Variants in EYS observed in about 807,000 individuals in gnomAD.
EYS encodes the protein protein eyes shut homolog.
A neutral mutation model predicts 282.1 loss-of-function variants in EYS; 250 were observed. The observed-to-expected ratio is 0.89, with a 90% CI of 0.80 to 0.98. The LOEUF (loss-of-function observed/expected upper bound fraction) is 0.98, where lower values mean the gene tolerates loss of function less well. Among genes scored for constraint, EYS ranks in the 50% least tolerant of loss-of-function variants. The pLI is 0.00. For synonymous variants in EYS, 1,355 were observed against 1,282.9 expected, an observed-to-expected ratio of 1.06 and a Z score of -1.20; for missense variants, 4,016 against 3,709.0, an observed-to-expected ratio of 1.08 and a Z score of -2.15.
intron 16 of EYS, among the ~76,000 whole-genome samples, chr6:64,910,806 T>C (rs1033875277): frequency 3.2e-4 from 49 of 152,056 alleles, no homozygotes; most frequent in African/African-American, 1.2e-3. Flanking sequence ...GAAATATCAC[T>C]ATATTTTATA....
chr6:63,993,397 T>C (rs1403000334), intron 34 of EYS, among the ~76,000 whole-genome samples: 1 of 151,548 alleles, frequency 6.6e-6, no homozygotes, highest in Non-Finnish European at 1.5e-5. Context: ...GATGACCTGA[T>C]AATATACATA....
At chr6:65,256,412 C>T (rs1271055124) in intron 12 of EYS, among the ~76,000 whole-genome samples, 2 of 137,570 alleles carry the variant, frequency 1.5e-5, no homozygotes, top group African/African-American at 5.7e-5. Context: ...AATGCTATCC[C>T]TCCCGCCTCC....
intron 12 of EYS, among the ~76,000 whole-genome samples, chr6:65,177,993 G>A (rs1358582168): frequency 2.0e-5 from 3 of 151,820 alleles, no homozygotes; most frequent in African/African-American, 7.2e-5. Context: ...GGGGCACTAA[G>A]GAGTTAAAAT....
intron 36 of EYS, among the ~76,000 whole-genome samples, chr6:63,828,725 A>G (rs1459553425): frequency 6.6e-6 from 1 of 152,242 alleles, no homozygotes; most frequent in Non-Finnish European, 1.5e-5. Context: ...ATTACTAGTG[A>G]TCAGGTAAAT....
At chr6:64,668,313 G>C (rs144003897) in intron 22 of EYS, among the ~76,000 whole-genome samples, 2 of 152,102 alleles carry the variant, frequency 1.3e-5, no homozygotes, top group African/African-American at 4.8e-5. Flanking sequence ...ATAACATTTT[G>C]TGTTGTTTTA....
intron 8 of EYS, among the ~76,000 whole-genome samples, chr6:65,354,964 T>C (rs12204239): frequency 0.41 from 62,133 of 151,990 alleles, 12,859 homozygotes; most frequent in Non-Finnish European, 0.46. Context: ...CCATTACTTT[T>C]ATACTGAGAC....
At chr6:64,287,359 T>A (rs767959716) in intron 30 of EYS, among the ~76,000 whole-genome samples, 46 of 152,280 alleles carry the variant, frequency 3.0e-4, no homozygotes, top group Non-Finnish European at 6.2e-4. Flanking sequence ...AATGATGCTA[T>A]TTTTAATGCT....
At chr6:64,742,252 AGAACACACATTT>A (rs1271338029) in intron 22 of EYS, among the ~76,000 whole-genome samples, 1 of 152,228 alleles carries the variant, frequency 6.6e-6, no homozygotes, top group Non-Finnish European at 1.5e-5. Context: ...TGGAGTAGTC[AGAACACACATTT>A]ACTGATTGTT....
At chr6:64,317,350 AC>A (rs1770015054) in intron 29 of EYS, among the ~76,000 whole-genome samples, 1 of 151,310 alleles carries the variant, frequency 6.6e-6, no homozygotes, top group African/African-American at 2.4e-5. Context: ...AAAAAAAAAA[AC>A]ATCAAAAAGT....
chr6:65,158,392 C>A (rs1301424543), intron 12 of EYS, among the ~76,000 whole-genome samples: 1 of 150,736 alleles, frequency 6.6e-6, no homozygotes, highest in East Asian at 2.0e-4. Flanking sequence ...AATTAATAAT[C>A]AATGATAAAG....
At chr6:65,064,347 T>TCATATAGTATATGATATATATAC (rs1471840056) in intron 12 of EYS, among the ~76,000 whole-genome samples, 2 of 143,640 alleles carry the variant, frequency 1.4e-5, no homozygotes, top group Non-Finnish European at 3.0e-5. Context: ...TTGCTATATA[T>TCATATAGTATATGATATATATAC]CATATAGTAT....
intron 14 of EYS, among the ~76,000 whole-genome samples, chr6:64,981,970 C>G (rs1770684483): frequency 6.6e-6 from 1 of 151,408 alleles, no homozygotes; most frequent in Admixed American, 6.6e-5. Flanking sequence ...GGAAGGGTCC[C>G]CTTTTTAAAC....
intron 19 of EYS, among the ~76,000 whole-genome samples, chr6:64,832,632 CAA>C (rs1409609075): frequency 2.0e-5 from 3 of 151,620 alleles, no homozygotes. Context: ...CACATACACA[CAA>C]AAAAGAATAT....
At chr6:64,057,861 T>G (rs1381373841) in intron 33 of EYS, among the ~76,000 whole-genome samples, 3 of 152,158 alleles carry the variant, frequency 2.0e-5, no homozygotes, top group Non-Finnish European at 4.4e-5. Flanking sequence ...AGACAGAGTC[T>G]CACTCTGTCA....
intron 2 of EYS, among the ~76,000 whole-genome samples, chr6:65,602,125 G>A (rs1390867216): frequency 1.3e-5 from 2 of 151,782 alleles, no homozygotes; most frequent in African/African-American, 4.8e-5. Flanking sequence ...GTTTCTTGGG[G>A]AAGTTCAACA....
At chr6:63,833,443 T>G (rs1346087088) in intron 36 of EYS, among the ~76,000 whole-genome samples, 1 of 152,006 alleles carries the variant, frequency 6.6e-6, no homozygotes, top group Non-Finnish European at 1.5e-5. Flanking sequence ...AAATCATGAG[T>G]GAACTCCCAT....
Position 64,351,270 on chromosome 6 carries a change from T to G in EYS, c.6078+37420A>C, listed in dbSNP as rs559448503. On this transcript the variant is annotated intron_variant, in intron 29 of 42. Coordinates refer to ENST00000503581, the MANE Select transcript of EYS (RefSeq NM_001142800.2). Reference sequence around the variant, plus strand: ...TAGTATTCTGTGATTCTTTTAGTCTTATTTCAGTCTATGCAAGTTTTATTT... The same window carrying G: ...TAGTATTCTGTGATTCTTTTAGTCTGATTTCAGTCTATGCAAGTTTTATTT... Among the ~76,000 whole-genome samples the G allele has an allele frequency of 9.9e-5, 15 of 151,638 alleles. No homozygotes were observed. The East Asian group carries it at 2.9e-3, about 30-fold the overall frequency.
chr6:64,489,980 A>T (rs1435068036), intron 26 of EYS, among the ~76,000 whole-genome samples: 2 of 150,806 alleles, frequency 1.3e-5, no homozygotes, highest in African/African-American at 4.8e-5. Flanking sequence ...ACAGTCTGAA[A>T]AGGCAGTCAC....
rs548173807 is a variant in EYS at position 64,943,792 on chromosome 6, C to T, written c.2381+2001G>A. Among the ~76,000 whole-genome samples, 7 of 152,068 alleles carry T rather than the reference C, an allele frequency of 4.6e-5. No homozygotes were observed. The South Asian group carries it at 1.5e-3, about 32-fold the overall frequency. On this transcript the variant is annotated intron_variant, in intron 15 of 42. Transcript: ENST00000503581. Reference sequence around the variant, plus strand: ...AAATGGACATAATGCCCAAAGCATGCACAGATTCAACGTATCAACCTACGA... The same window carrying T: ...AAATGGACATAATGCCCAAAGCATGTACAGATTCAACGTATCAACCTACGA...
Sources: gnomAD v4.1 joint callset for allele counts (sites outside exome capture counted in the v4.1 genomes callset) on GRCh38, gnomAD v4.1.1 for gene constraint, MANE v1.5 for transcripts, NCBI Gene and HGNC (gene_info 2026-07-23, HGNC 2026-07-21) for gene names.